SCD5: variants seen among roughly 807,000 people sequenced by gnomAD.
SCD5 encodes acyl-CoA-desaturase 4.
A neutral mutation model predicts 30.4 loss-of-function variants in SCD5; 20 were observed. The ratio of observed to expected loss-of-function variants is 0.66; its 90% CI spans 0.46 to 0.96. SCD5 has a LOEUF of 0.96. Among genes scored for constraint, SCD5 ranks in the 40% least tolerant of loss-of-function variants. The pLI is 0.00. For missense variants in SCD5, 381 were observed against 443.3 expected, an observed-to-expected ratio of 0.86 and a Z score of 1.26; for synonymous variants, 173 against 176.4, an observed-to-expected ratio of 0.98 and a Z score of 0.16.
At chr4:82,723,175 T>C (rs1352245897) in intron 1 of SCD5, among the ~76,000 whole-genome samples, 1 of 152,110 alleles carries the variant, frequency 6.6e-6, no homozygotes. Flanking sequence ...GTAACATTTC[T>C]ACCAGTTGTT....
intron 1 of SCD5, among the ~76,000 whole-genome samples, chr4:82,771,516 C>A (rs1721621747): frequency 6.6e-6 from 1 of 152,176 alleles, no homozygotes; most frequent in Non-Finnish European, 1.5e-5. Flanking sequence ...TCACAGCAAC[C>A]CTACTAGAAA....
At chr4:82,733,992 T>C (rs1720695891) in intron 1 of SCD5, among the ~76,000 whole-genome samples, 1 of 152,110 alleles carries the variant, frequency 6.6e-6, no homozygotes, top group Non-Finnish European at 1.5e-5. Flanking sequence ...AAATGGCCAC[T>C]ATTACATACA....
At chr4:82,721,708 A>G (rs1351047419) in intron 1 of SCD5, among the ~76,000 whole-genome samples, 1 of 152,218 alleles carries the variant, frequency 6.6e-6, no homozygotes, top group African/African-American at 2.4e-5. Flanking sequence ...CACAGCCCTC[A>G]GAGGAAGCTC....
In SCD5 at chr4:82,636,406, G is replaced by A. The variant is rs62311447; in HGVS notation, c.802+185C>T. ...GCAGAGGCTGCAGTCAGCCAAGATC[G>A]TGCCACTGCACTCCAGACTGGCCAA... On this transcript the variant is annotated intron_variant, in intron 4 of 4. Coordinates refer to ENST00000319540, the MANE Select transcript of SCD5 (RefSeq NM_001037582.3). Among the ~76,000 whole-genome samples, 581 of 150,546 alleles carry A rather than the reference G, an allele frequency of 3.9e-3. 2 individuals carry two copies. The highest frequency in any genetic ancestry group is 4.9e-3 in the Non-Finnish European group (334 of 67,824).
chr4:82,747,585 T>C (rs748918734), intron 1 of SCD5, among the ~76,000 whole-genome samples: 13 of 152,220 alleles, frequency 8.5e-5, no homozygotes, highest in Non-Finnish European at 1.8e-4. Context: ...AAATGAGCTG[T>C]TTATTAAGGT....
chr4:82,719,537 T>C, intron 1 of SCD5, among the ~76,000 whole-genome samples: 1 of 148,836 alleles, frequency 6.7e-6, no homozygotes, highest in Non-Finnish European at 1.5e-5. Context: ...GGAGCGTCGC[T>C]CTGTCGCCCA....
intron 1 of SCD5, among the ~76,000 whole-genome samples, chr4:82,777,955 A>G (rs1721788642): frequency 6.9e-6 from 1 of 144,676 alleles, no homozygotes; most frequent in Non-Finnish European, 1.5e-5. Context: ...TAGCAAAGTC[A>G]TGGAACCAAC....
At chr4:82,645,616 C>T (rs1727621290) in intron 3 of SCD5, among the ~76,000 whole-genome samples, 2 of 152,196 alleles carry the variant, frequency 1.3e-5, no homozygotes, top group Admixed American at 1.3e-4. Context: ...GAAGACGTTC[C>T]TCAGCATTTA....
At chr4:82,725,811 G>T (rs1720456910) in intron 1 of SCD5, among the ~76,000 whole-genome samples, 1 of 152,078 alleles carries the variant, frequency 6.6e-6, no homozygotes, top group Non-Finnish European at 1.5e-5. Context: ...AGTGAGCCGA[G>T]ACCATGCCAC....
intron 1 of SCD5, among the ~76,000 whole-genome samples, chr4:82,730,227 T>A (rs1560546263): frequency 7.4e-6 from 1 of 134,234 alleles, no homozygotes; most frequent in Non-Finnish European, 1.6e-5. Context: ...TATTATATTA[T>A]ATATAATATT....
intron 2 of SCD5, among the ~76,000 whole-genome samples, chr4:82,704,719 G>A (rs1394235108): frequency 6.6e-6 from 1 of 152,178 alleles, no homozygotes; most frequent in African/African-American, 2.4e-5. Flanking sequence ...ACTTCAGATG[G>A]AATAGTCTTT....
At chr4:82,644,746 A>G (rs1407565664) in intron 3 of SCD5, among the ~76,000 whole-genome samples, 1 of 152,172 alleles carries the variant, frequency 6.6e-6, no homozygotes, top group Non-Finnish European at 1.5e-5. Flanking sequence ...CCAAGAACTT[A>G]ATTAAAGACA....
chr4:82,634,472 C>T (rs1447210998), intron 4 of SCD5, among the ~76,000 whole-genome samples: 1 of 142,802 alleles, frequency 7.0e-6, no homozygotes, highest in African/African-American at 2.5e-5. Flanking sequence ...CCATCCCTAC[C>T]CTGCACACCA....
intron 1 of SCD5, among the ~76,000 whole-genome samples, chr4:82,789,382 C>T (rs1460219965): frequency 6.6e-6 from 1 of 152,160 alleles, no homozygotes; most frequent in Non-Finnish European, 1.5e-5. Flanking sequence ...CCACTCAAGT[C>T]CAGCTTCTCT....
At chr4:82,644,291 TCCC>T (rs1310654482) in intron 3 of SCD5, among the ~76,000 whole-genome samples, 3 of 152,172 alleles carry the variant, frequency 2.0e-5, no homozygotes, top group African/African-American at 7.2e-5. Context: ...GCCCAGCTTC[TCCC>T]CTTTACCCAT....
rs375626215 is a variant in SCD5 at position 82,646,048 on chromosome 4, G to A, written c.570-9225C>T. On this transcript the variant is annotated intron_variant, in intron 3 of 4. Transcript: ENST00000319540. Reference sequence around the variant, plus strand: ...CATGAAGGGGGGGAAATGACCTGCCGACTTCCAAGGGGGCCAGCCTGAGGA... The same window carrying A: ...CATGAAGGGGGGGAAATGACCTGCCAACTTCCAAGGGGGCCAGCCTGAGGA... 3.9e-5 allele frequency among the ~76,000 whole-genome samples: 6 copies of A among 152,226 alleles called. No homozygotes were observed. The South Asian group carries it at 6.2e-4, about 16-fold the overall frequency.
chr4:82,711,061 G>C (rs28564722), intron 1 of SCD5, among the ~76,000 whole-genome samples: 47,189 of 151,994 alleles, frequency 0.31, 7,764 homozygotes, highest in Middle Eastern at 0.45. Context: ...CCTGCCTCCT[G>C]GGTTTGTTGT....
At chr4:82,783,206 G>C (rs1307055563) in intron 1 of SCD5, among the ~76,000 whole-genome samples, 1 of 152,160 alleles carries the variant, frequency 6.6e-6, no homozygotes, top group Non-Finnish European at 1.5e-5. Flanking sequence ...CTGCTTCTCT[G>C]TTTCCACCCA....
intron 3 of SCD5, chr4:82,660,091 G>A (rs991709393): frequency 3.3e-5 from 5 of 151,926 alleles, no homozygotes; most frequent in African/African-American, 1.2e-4. Context: ...TTATATAATG[G>A]TAATGGGATC....
Sources: gnomAD v4.1 joint callset for allele counts (sites outside exome capture counted in the v4.1 genomes callset) on GRCh38, gnomAD v4.1.1 for gene constraint, MANE v1.5 for transcripts, NCBI Gene and HGNC (gene_info 2026-07-23, HGNC 2026-07-21) for gene names.